The following SAMD12 variants were observed in gnomAD, a reference collection of about 807,000 sequenced individuals.
SAMD12 encodes sterile alpha motif domain containing 12.
SAMD12 carries 9 observed loss-of-function variants against 15.0 expected under a neutral mutation model. The ratio of observed to expected loss-of-function variants is 0.60; its 90% CI spans 0.36 to 1.05. The LOEUF is 1.05. Among genes scored for constraint, SAMD12 ranks in the 50% least tolerant of loss-of-function variants. The probability of loss-of-function intolerance (pLI) is 0.01; values close to 1 mark genes in which losing one functional copy is unlikely to be tolerated. For missense variants in SAMD12, 230 were observed against 234.2 expected, an observed-to-expected ratio of 0.98 and a Z score of 0.12; for synonymous variants, 86 against 90.1, an observed-to-expected ratio of 0.96 and a Z score of 0.25.
At chr8:118,184,923 C>A (rs1284284691), downstream of SAMD12, among the ~76,000 whole-genome samples, 4 of 139,540 alleles carry the variant, frequency 2.9e-5, no homozygotes, top group Admixed American at 1.4e-4. Context: ...TTTTTGAAAT[C>A]TTTGAAAGAC....
intron 2 of SAMD12, among the ~76,000 whole-genome samples, chr8:118,460,562 G>A (rs1278063081): frequency 1.3e-5 from 2 of 152,166 alleles, no homozygotes; most frequent in East Asian, 3.8e-4. Context: ...ATGGAATCAG[G>A]GAGGAGATAG....
chr8:118,166,502 A>G, the SAMD12 span, among the ~76,000 whole-genome samples: 2 of 152,276 alleles, frequency 1.3e-5, no homozygotes, highest in South Asian at 4.1e-4. Flanking sequence ...TTTCCCATAT[A>G]TTGCTCTGTC....
chr8:118,372,306 T>C (rs1819145165), intron 4 of SAMD12, among the ~76,000 whole-genome samples: 1 of 152,114 alleles, frequency 6.6e-6, no homozygotes, highest in Non-Finnish European at 1.5e-5. Flanking sequence ...AAAATTTGCT[T>C]TGAATAAATG....
At chr8:118,165,578 A>G in the SAMD12 span, among the ~76,000 whole-genome samples, 1 of 133,962 alleles carries the variant, frequency 7.5e-6, no homozygotes, top group Non-Finnish European at 1.5e-5. Flanking sequence ...ATTTCTTATC[A>G]TAAATCTATA....
At chr8:118,413,562 C>A (rs988227875) in intron 3 of SAMD12, among the ~76,000 whole-genome samples, 1 of 152,110 alleles carries the variant, frequency 6.6e-6, no homozygotes, top group Non-Finnish European at 1.5e-5. Context: ...TTATAGAATT[C>A]ATTTCATATA....
At chr8:118,482,401 G>A (rs1443058986) in intron 2 of SAMD12, among the ~76,000 whole-genome samples, 1 of 152,128 alleles carries the variant, frequency 6.6e-6, no homozygotes, top group African/African-American at 2.4e-5. Flanking sequence ...AATGGGTACA[G>A]TTGACCCTCC....
chr8:118,577,133 T>C (rs1367946968), intron 2 of SAMD12, among the ~76,000 whole-genome samples: 1 of 152,178 alleles, frequency 6.6e-6, no homozygotes, highest in African/African-American at 2.4e-5. Context: ...TTTATTTCCA[T>C]CTAGACTGTA....
chr8:118,446,191 C>G (rs1822905643), intron 2 of SAMD12, among the ~76,000 whole-genome samples: 1 of 150,488 alleles, frequency 6.6e-6, no homozygotes, highest in Admixed American at 6.6e-5. Flanking sequence ...TGTTTAAAGA[C>G]ATCACTGTTG....
intron 2 of SAMD12, among the ~76,000 whole-genome samples, chr8:118,517,818 C>T (rs556359647): frequency 6.6e-6 from 1 of 152,288 alleles, no homozygotes; most frequent in East Asian, 1.9e-4. Flanking sequence ...TCAGCCACCT[C>T]TAAATCAACT....
At chr8:118,428,974 A>T (rs61233315) in intron 3 of SAMD12, among the ~76,000 whole-genome samples, 2 of 152,274 alleles carry the variant, frequency 1.3e-5, no homozygotes, top group Admixed American at 6.5e-5. Flanking sequence ...ATTTTATTTT[A>T]AAAAATCTGG....
intron 2 of SAMD12, among the ~76,000 whole-genome samples, chr8:118,527,819 G>A (rs1311924556): frequency 1.3e-5 from 2 of 152,062 alleles, no homozygotes; most frequent in African/African-American, 4.8e-5. Context: ...TTTTGAGCAC[G>A]ATAATTTGAC....
intron 4 of SAMD12, among the ~76,000 whole-genome samples, chr8:118,304,064 A>C (rs1271104317): frequency 6.6e-6 from 1 of 152,110 alleles, no homozygotes; most frequent in Non-Finnish European, 1.5e-5. Flanking sequence ...TTCATCCTTC[A>C]AAGGATGCCT....
At chr8:118,191,927 G>A (rs1479900897) in exon 5 of SAMD12, 1 of 145,544 alleles carries the variant, frequency 6.9e-6, no homozygotes, top group Non-Finnish European at 1.5e-5. Flanking sequence ...CATATTTTTG[G>A]AATTATACTT....
chr8:118,378,677 CAT>C lies in SAMD12; in HGVS notation c.*738_*739del, dbSNP rs1819508934. 3 of 984,614 alleles carry C rather than the reference CAT, an allele frequency of 3.0e-6. No homozygotes were observed. The highest frequency in any genetic ancestry group is 3.6e-6 in the Non-Finnish European group (3 of 829,340). The allele number at this position is 984,614 out of a possible 1,614,324, so 61.0% of individuals were successfully genotyped here. ...CAAATACTCAAGGCTCTCAAAAACA[CAT>C]ATTTTATCATCCTTTCATTTAAAAC... is the stretch of plus-strand genomic sequence containing the variant. On this transcript the variant is annotated 3_prime_UTR_variant, in exon 4 of 4. Transcript: ENST00000314727.
At chr8:118,469,189 G>T (rs1260407115) in intron 2 of SAMD12, among the ~76,000 whole-genome samples, 1 of 151,678 alleles carries the variant, frequency 6.6e-6, no homozygotes, top group Non-Finnish European at 1.5e-5. Context: ...TTACTACCTT[G>T]TTGTGTACTT....
At chr8:118,272,007 C>T (rs1813365587) in intron 4 of SAMD12, among the ~76,000 whole-genome samples, 1 of 152,220 alleles carries the variant, frequency 6.6e-6, no homozygotes, top group Admixed American at 6.5e-5. Flanking sequence ...ACTCATAGCA[C>T]CACTAAGCAG....
exon 5 of SAMD12, chr8:118,196,713 T>A (rs1819572789): frequency 1.3e-5 from 2 of 152,304 alleles, no homozygotes; most frequent in East Asian, 3.9e-4. Context: ...AGTGTTAACG[T>A]CAGACCACAC....
intron 2 of SAMD12, among the ~76,000 whole-genome samples, chr8:118,535,696 A>C (rs1000021608): frequency 6.6e-6 from 1 of 152,126 alleles, no homozygotes; most frequent in African/African-American, 2.4e-5. Context: ...TCCATCTCAG[A>C]CTGCTGTGCC....
At chr8:118,517,812 C>A (rs1825285168) in intron 2 of SAMD12, among the ~76,000 whole-genome samples, 1 of 152,156 alleles carries the variant, frequency 6.6e-6, no homozygotes, top group Non-Finnish European at 1.5e-5. Context: ...TGCAACTCAG[C>A]CACCTCTAAA....
Sources: gnomAD v4.1 joint callset for allele counts (sites outside exome capture counted in the v4.1 genomes callset) on GRCh38, gnomAD v4.1.1 for gene constraint, MANE v1.5 for transcripts, NCBI Gene and HGNC (gene_info 2026-07-23, HGNC 2026-07-21) for gene names.